E2F7: variants seen among roughly 807,000 people sequenced by gnomAD.
E2F7 encodes the protein E2F transcription factor 7, also known as transcription factor E2F7.
E2F7 carries 35 observed loss-of-function variants against 81.1 expected under a neutral mutation model. The observed-to-expected ratio is 0.43, with a 90% CI of 0.33 to 0.57. The LOEUF (loss-of-function observed/expected upper bound fraction) is 0.57, where lower values mean the gene tolerates loss of function less well. Ranked by LOEUF, E2F7 falls within the 20% of genes least tolerant of loss-of-function variation. E2F7 has a pLI of 0.04. For missense variants in E2F7, 961 were observed against 1,093.7 expected, an observed-to-expected ratio of 0.88 and a Z score of 1.71; for synonymous variants, 416 against 416.2, an observed-to-expected ratio of 1.00 and a Z score of 0.01.
chr12:77,054,363 T>C (rs1955014365), intron 3 of E2F7, among the ~76,000 whole-genome samples: 1 of 151,988 alleles, frequency 6.6e-6, no homozygotes, highest in Non-Finnish European at 1.5e-5. Context: ...TATTTGTATA[T>C]ACTAGAAACA....
chr12:77,051,290 T>C (rs907188810), intron 3 of E2F7, among the ~76,000 whole-genome samples: 1 of 152,240 alleles, frequency 6.6e-6, no homozygotes, highest in African/African-American at 2.4e-5. Context: ...ACTAGCATCC[T>C]GTCTCCTCAA....
Position 77,024,166 on chromosome 12 carries a change from G to C in E2F7, c.2585C>G (p.Pro862Arg), listed in dbSNP as rs148227663. 2 of 1,613,296 alleles carry C rather than the reference G, an allele frequency of 1.2e-6. No homozygotes were observed. The highest frequency in any genetic ancestry group is 1.7e-6 in the Non-Finnish European group (2 of 1,179,866). The change falls in exon 13 of 13, where the codon CCC (proline) becomes CGC (arginine). Residue 862 changes from proline (P) to arginine (R), a missense_variant. Physicochemically the swap from Pro to Arg is moderately radical, Grantham distance 103. Coordinates refer to ENST00000322886, the MANE Select transcript of E2F7 (RefSeq NM_203394.3). ...ACGATGTGTGCGTTGGATGCTCTTG[G>C]GGGTCACTGGAACTGGTGACTGAAA... is the stretch of plus-strand genomic sequence containing the variant. ...KLHQSPVPVTPKSIQRTHRET... is the reference protein window; with the variant it reads ...KLHQSPVPVTRKSIQRTHRET...
At chr12:77,064,703 T>C in intron 1 of E2F7, 68 bp from the exon 2 acceptor site, 1 of 1,272,264 alleles carries the variant, frequency 7.9e-7, no homozygotes, top group Non-Finnish European at 1.1e-6. Context: ...CAAAAATATC[T>C]ACATATGTGT....
chr12:77,035,560 C>A (rs1270667655), intron 7 of E2F7, among the ~76,000 whole-genome samples: 3 of 152,122 alleles, frequency 2.0e-5, no homozygotes, highest in Non-Finnish European at 4.4e-5. Flanking sequence ...TCTTGCTAAG[C>A]CAAACTTAAA....
rs1954937703 is a variant in E2F7 at position 77,046,072 on chromosome 12, CTGT to C, written c.792_794del (p.Gln265del). ...AGTCGGGTTCAGAGAAATCCAGTAA[CTGT>C]TGTTCCTGGGAATCTGGATCACCAT... On this transcript the variant is annotated inframe_deletion, in exon 5 of 13. Transcript: ENST00000322886. The C allele has an allele frequency of 1.9e-6, 3 of 1,614,176 alleles. No homozygotes were observed. Among genetic ancestry groups the C allele is most frequent in the Non-Finnish European group, 1.7e-6 (2 of 1,180,022 alleles).
At chr12:77,028,469 A>C (rs1329060503) in intron 10 of E2F7, among the ~76,000 whole-genome samples, 3 of 142,646 alleles carry the variant, frequency 2.1e-5, no homozygotes, top group Non-Finnish European at 4.6e-5. Context: ...TGGGATTAGT[A>C]AATCTTTTTT....
chr12:77,024,097 A>G lies in E2F7; in HGVS notation c.2654T>C (p.Leu885Pro). 1 of 1,613,928 alleles carries G rather than the reference A, an allele frequency of 6.2e-7. No homozygotes were observed. Among genetic ancestry groups the G allele is most frequent in the Admixed American group, 1.7e-5 (1 of 60,004 alleles). ...TGACTGGTTCCTTTCTCTTCTCTTCAGGACAGGGTCTCCAAGGCTGCCGGG... is the reference window on the plus strand; with the variant it reads ...TGACTGGTTCCTTTCTCTTCTCTTCGGGACAGGGTCTCCAAGGCTGCCGGG... ...KTPGSLGDPV[L>P]KRRERNQSRN... The change falls in exon 13 of 13, where the codon CTG becomes CCG. Residue 885 changes from leucine (L) to proline (P), a missense_variant. By Grantham distance (98) the Leu-to-Pro change is moderately conservative. This residue lies in a region of E2F7 where 587 missense variants were observed against 620.3 expected (regional missense o/e 0.95). Coordinates refer to ENST00000322886, the MANE Select transcript of E2F7 (RefSeq NM_203394.3).
At chr12:77,026,023 T>C (rs1017908652) in intron 11 of E2F7, 41 bp from the exon 12 acceptor site, 1 of 1,546,702 alleles carries the variant, frequency 6.5e-7, no homozygotes. Context: ...ATATATGTCA[T>C]CATGAGGATA....
At position 77,056,020 on chromosome 12, in the gene E2F7, A is replaced by G. The variant is rs1473662159; in HGVS notation, c.204T>C (p.Thr68=). 1 of 1,614,154 alleles carries G rather than the reference A, an allele frequency of 6.2e-7. No homozygotes were observed. The highest frequency in any genetic ancestry group is 8.5e-7 in the Non-Finnish European group (1 of 1,180,010). The change falls in exon 3 of 13, where the codon ACT becomes ACC. Residue 68 remains threonine, a synonymous_variant. Coordinates refer to ENST00000322886, the MANE Select transcript of E2F7 (RefSeq NM_203394.3). ...KKFTPERNPI[T]PVKFVDRQQA... is the part of the protein sequence containing the mutation. ...GCTGTCTGTCAACAAACTTAACTGG[A>G]GTAATGGGATTTCTTTCTGGAGTAA...
intron 10 of E2F7, among the ~76,000 whole-genome samples, chr12:77,028,838 C>T (rs527575226): frequency 9.9e-5 from 15 of 152,140 alleles, no homozygotes; most frequent in Admixed American, 2.6e-4. Flanking sequence ...CATATAGCTG[C>T]GTGCCACACT....
chr12:77,061,870 TCTCGTTCA>T (rs996706827), intron 2 of E2F7, among the ~76,000 whole-genome samples: 1 of 152,242 alleles, frequency 6.6e-6, no homozygotes, highest in African/African-American at 2.4e-5. Flanking sequence ...AAAATGTCCA[TCTCGTTCA>T]CTCTTGCTTT....
intron 7 of E2F7, among the ~76,000 whole-genome samples, chr12:77,034,848 A>AC (rs1954835493): frequency 6.6e-6 from 1 of 152,244 alleles, no homozygotes; most frequent in South Asian, 2.1e-4. Flanking sequence ...ATGCGCTTTC[A>AC]CATTAATGCA....
intron 3 of E2F7, among the ~76,000 whole-genome samples, chr12:77,051,649 A>T (rs1055775887): frequency 2.6e-5 from 4 of 152,186 alleles, no homozygotes; most frequent in Admixed American, 6.5e-5. Flanking sequence ...AAATACAATT[A>T]AAAAAACCTA....
chr12:77,038,898 C>A (rs1954874659), intron 7 of E2F7, among the ~76,000 whole-genome samples: 1 of 152,164 alleles, frequency 6.6e-6, no homozygotes, highest in Non-Finnish European at 1.5e-5. Context: ...CTGATAAATT[C>A]TTCCAAACGT....
intron 5 of E2F7, 166 bp downstream of exon 5, chr12:77,045,870 CAG>C (rs1256240822): frequency 1.2e-6 from 1 of 833,520 alleles, no homozygotes; most frequent in East Asian, 2.7e-5. Context: ...GTCAAGTGGG[CAG>C]TCCAGTTGGG....
intron 2 of E2F7, among the ~76,000 whole-genome samples, chr12:77,063,940 T>A (rs1295262572): frequency 2.0e-5 from 3 of 152,256 alleles, no homozygotes; most frequent in Non-Finnish European, 2.9e-5. Context: ...CAGTTTACTT[T>A]GTAATGTTCT....
intron 12 of E2F7, among the ~76,000 whole-genome samples, chr12:77,025,114 C>A (rs1954747090): frequency 6.6e-6 from 1 of 151,952 alleles, no homozygotes; most frequent in Non-Finnish European, 1.5e-5. Flanking sequence ...AACATCACAT[C>A]TTAAGAAATG....
intron 3 of E2F7, among the ~76,000 whole-genome samples, chr12:77,053,257 T>C (rs1182293704): frequency 6.6e-6 from 1 of 152,216 alleles, no homozygotes; most frequent in African/African-American, 2.4e-5. Flanking sequence ...GGGTTATCTA[T>C]TGATAGTTAG....
chr12:77,028,767 C>A lies in E2F7; in HGVS notation c.1885-629G>T, dbSNP rs375976064. ...GGATTACAGGCATAAGCCACCGCGC[C>A]CGGCTGGGATTAGTAAATCTTAATA... On this transcript the variant is annotated intron_variant, in intron 10 of 12. Coordinates refer to ENST00000322886, the MANE Select transcript of E2F7 (RefSeq NM_203394.3). Among the ~76,000 whole-genome samples the A allele has an allele frequency of 1.6e-4, 25 of 152,300 alleles. 1 individual carries two copies. The East Asian group carries it at 2.5e-3, about 15-fold the overall frequency.
Sources: gnomAD v4.1 joint callset for allele counts (sites outside exome capture counted in the v4.1 genomes callset) on GRCh38, gnomAD v4.1.1 for gene constraint, gnomAD v4.1.1 regional missense constraint, MANE v1.5 for transcripts, NCBI Gene and HGNC (gene_info 2026-07-23, HGNC 2026-07-21) for gene names.